Variants in PTPRN2 observed in about 807,000 individuals in gnomAD.
PTPRN2 encodes protein tyrosine phosphatase receptor type N2, also known as receptor-type tyrosine-protein phosphatase N2.
In PTPRN2, 74 loss-of-function variants were observed where a neutral mutation model predicts 118.8. The observed-to-expected ratio is 0.62, with a 90% CI of 0.52 to 0.76. PTPRN2 has a LOEUF of 0.76. Ranked by LOEUF, PTPRN2 falls within the 30% of genes least tolerant of loss-of-function variation. PTPRN2 has a pLI of 0.00. For synonymous variants in PTPRN2, 641 were observed against 608.0 expected, an observed-to-expected ratio of 1.05 and a Z score of -0.80; for missense variants, 1,481 against 1,394.4, an observed-to-expected ratio of 1.06 and a Z score of -0.99.
At chr7:158,067,347 G>C (rs369297166) in intron 11 of PTPRN2, among the ~76,000 whole-genome samples, 1 of 152,210 alleles carries the variant, frequency 6.6e-6, no homozygotes, top group African/African-American at 2.4e-5. Flanking sequence ...CTGTGGAGGA[G>C]CTCCCAGCTG....
chr7:158,044,986 T>C (rs778726403), intron 11 of PTPRN2, among the ~76,000 whole-genome samples: 2 of 152,214 alleles, frequency 1.3e-5, no homozygotes, highest in Non-Finnish European at 2.9e-5. Flanking sequence ...TTGAGAGTTA[T>C]GTCAATAACC....
In PTPRN2 at chr7:158,361,551, G is replaced by A. The variant is rs867876961; in HGVS notation, c.164-44619C>T. ...ACTGCCCAGTTCCACTGAAGCCCTGGGCTCCAATATTCAGACCTGAGACCC... is the reference window on the plus strand; with the variant it reads ...ACTGCCCAGTTCCACTGAAGCCCTGAGCTCCAATATTCAGACCTGAGACCC... On this transcript the variant is annotated intron_variant, in intron 2 of 22. Coordinates refer to ENST00000389418, the MANE Select transcript of PTPRN2 (RefSeq NM_002847.5). Among the ~76,000 whole-genome samples the A allele has an allele frequency of 7.9e-4, 120 of 152,288 alleles. 1 individual carries two copies. The highest frequency in any genetic ancestry group is 2.9e-3 in the African/African-American group (119 of 41,554).
chr7:157,578,700 T>C (rs1800186784), intron 17 of PTPRN2, among the ~76,000 whole-genome samples: 1 of 152,256 alleles, frequency 6.6e-6, no homozygotes, highest in African/African-American at 2.4e-5. Context: ...TACTAATTCC[T>C]ATTAGCCACA....
chr7:158,219,021 A>G (rs1196819278), intron 3 of PTPRN2, among the ~76,000 whole-genome samples: 1 of 152,152 alleles, frequency 6.6e-6, no homozygotes, highest in Non-Finnish European at 1.5e-5. Flanking sequence ...GACAGATCAT[A>G]GAGGCAGAAA....
chr7:158,365,787 C>CCA (rs1223975910), intron 2 of PTPRN2, among the ~76,000 whole-genome samples: 16 of 96,020 alleles, frequency 1.7e-4, no homozygotes, highest in African/African-American at 6.0e-4. Flanking sequence ...ACACACACAC[C>CCA]CACACACACA....
intron 3 of PTPRN2, among the ~76,000 whole-genome samples, chr7:158,299,122 T>C (rs1800697139): frequency 2.0e-5 from 3 of 152,132 alleles, no homozygotes; most frequent in African/African-American, 7.2e-5. Context: ...AAATTCAAAC[T>C]GGAGGGGAAG....
intron 2 of PTPRN2, among the ~76,000 whole-genome samples, chr7:158,325,659 C>T (rs1488229437): frequency 6.6e-6 from 1 of 152,208 alleles, no homozygotes; most frequent in Non-Finnish European, 1.5e-5. Context: ...ATTACGAAGC[C>T]TTTGCAGATG....
intron 3 of PTPRN2, among the ~76,000 whole-genome samples, chr7:158,282,350 C>A (rs982888463): frequency 1.1e-4 from 16 of 152,338 alleles, no homozygotes; most frequent in Admixed American, 9.8e-4. Context: ...TATAATGAAG[C>A]AACTGTCTTT....
chr7:158,144,187 C>T (rs545048172), intron 6 of PTPRN2, among the ~76,000 whole-genome samples: 8 of 152,252 alleles, frequency 5.3e-5, no homozygotes, highest in Middle Eastern at 3.4e-3. Context: ...TTCTCGAATT[C>T]GGCATTTCCA....
chr7:157,908,594 C>G (rs2128759033), intron 11 of PTPRN2, among the ~76,000 whole-genome samples: 1 of 152,344 alleles, frequency 6.6e-6, no homozygotes, highest in South Asian at 2.1e-4. Flanking sequence ...ATCCCTTTCA[C>G]TTTTCCACGT....
At chr7:158,030,089 A>C (rs1807576602) in intron 11 of PTPRN2, 1 of 152,246 alleles carries the variant, frequency 6.6e-6, no homozygotes. Context: ...CCTGGACAGA[A>C]GCAACATCAC....
intron 11 of PTPRN2, among the ~76,000 whole-genome samples, chr7:158,049,666 C>T (rs568881870): frequency 1.3e-5 from 2 of 152,244 alleles, no homozygotes; most frequent in East Asian, 1.9e-4. Flanking sequence ...TTTGGGAGGC[C>T]GAGGTGGGTG....
At chr7:157,628,806 C>T (rs577310422) in intron 14 of PTPRN2, among the ~76,000 whole-genome samples, 1 of 152,198 alleles carries the variant, frequency 6.6e-6, no homozygotes, top group Admixed American at 6.5e-5. Context: ...CCCTCCCACG[C>T]TCTGTGGCTG....
intron 11 of PTPRN2, among the ~76,000 whole-genome samples, chr7:158,050,058 A>C (rs1229971995): frequency 6.6e-6 from 1 of 152,258 alleles, no homozygotes; most frequent in African/African-American, 2.4e-5. Flanking sequence ...ATTAGGAAAG[A>C]AATAAAATAC....
intron 1 of PTPRN2, among the ~76,000 whole-genome samples, chr7:158,499,642 A>G (rs113897171): frequency 1.7e-3 from 253 of 152,276 alleles, no homozygotes; most frequent in African/African-American, 5.9e-3. Flanking sequence ...ATGGTGGTGC[A>G]TGCCTATAAT....
intron 12 of PTPRN2, among the ~76,000 whole-genome samples, chr7:157,879,042 A>G (rs1296582621): frequency 1.4e-5 from 2 of 138,062 alleles, no homozygotes; most frequent in African/African-American, 5.6e-5. Flanking sequence ...GTGCACCCAC[A>G]ATTACTCACC....
chr7:158,110,938 G>A (rs1225262606), intron 9 of PTPRN2, 23 bp from the exon 10 acceptor site: 3 of 1,540,258 alleles, frequency 1.9e-6, no homozygotes, highest in Non-Finnish European at 1.7e-6. Context: ...GCAGGGATGG[G>A]GAGCAGTCAC....
intron 15 of PTPRN2, chr7:157,616,705 A>G (rs1802795410): frequency 6.6e-6 from 1 of 152,170 alleles, no homozygotes; most frequent in Non-Finnish European, 1.5e-5. Context: ...CTATGGAAGG[A>G]AAAAGAAAAC....
intron 11 of PTPRN2, among the ~76,000 whole-genome samples, chr7:158,026,162 GTAT>G (rs1195778870): frequency 6.6e-6 from 1 of 152,228 alleles, no homozygotes; most frequent in African/African-American, 2.4e-5. Context: ...GCATGCTAAT[GTAT>G]TATTTAGGCT....
Sources: allele counts gnomAD v4.1 joint callset (sites outside exome capture counted in the v4.1 genomes callset), GRCh38; gene constraint gnomAD v4.1.1; transcripts MANE v1.5; gene names NCBI Gene and HGNC (gene_info 2026-07-23, HGNC 2026-07-21).